The following CD36 variants were observed in gnomAD, a reference collection of about 807,000 sequenced individuals.
The protein encoded by CD36 is CD36 molecule (CD36 blood group).
CD36 carries 119 observed loss-of-function variants against 55.2 expected under a neutral mutation model. That is an observed-to-expected ratio of 2.15 (90% CI 1.86 to 2.51). The LOEUF (loss-of-function observed/expected upper bound fraction) is 2.51, where lower values mean the gene tolerates loss of function less well. Ranked by LOEUF, CD36 falls within the 30% of genes most tolerant of loss-of-function variation. The pLI, the probability that CD36 is intolerant of heterozygous loss-of-function variation, is 0.00. For missense variants in CD36, 819 were observed against 555.5 expected (o/e 1.47, Z -4.77); for synonymous variants, 186 against 193.6 (o/e 0.96, Z 0.33).
intron 4 of CD36, among the ~76,000 whole-genome samples, chr7:80,658,309 A>G (rs1796252544): frequency 6.6e-6 from 1 of 152,144 alleles, no homozygotes; most frequent in Admixed American, 6.6e-5. Context: ...TCATAGGTGT[A>G]TATATACTTA....
chr7:80,664,295 T>G (rs1796812429), intron 6 of CD36, 111 bp from the exon 7 acceptor site: 2 of 716,560 alleles, frequency 2.8e-6, no homozygotes, highest in Admixed American at 4.0e-5. Context: ...GCAGATGTAT[T>G]TCAAGTCATT....
intron 6 of CD36, among the ~76,000 whole-genome samples, chr7:80,663,608 A>G (rs1422363313): frequency 6.6e-6 from 1 of 151,858 alleles, no homozygotes; most frequent in African/African-American, 2.4e-5. Flanking sequence ...CCTAATGTTC[A>G]CATCTCAATA....
intron 8 of CD36, among the ~76,000 whole-genome samples, chr7:80,667,221 A>T (rs1355375759): frequency 1.3e-5 from 2 of 152,112 alleles, no homozygotes; most frequent in African/African-American, 4.8e-5. Flanking sequence ...TGTGCCCCGG[A>T]GGTTGAGACC....
At position 80,656,562 on chromosome 7, in the gene CD36, C is replaced by A. The variant is rs780265725; in HGVS notation, c.143C>A (p.Thr48Lys). The A allele has an allele frequency of 1.4e-5, 22 of 1,613,448 alleles. No individual in the cohort carries two copies. Among genetic ancestry groups the A allele is most frequent in the Non-Finnish European group, 1.4e-5 (17 of 1,179,722 alleles). ...IKKQVVLEEGTIAFKNWVKTG... is the reference protein window; with the variant it reads ...IKKQVVLEEGKIAFKNWVKTG... ...TAGCAAGTTGTCCTCGAAGAAGGTA[C>A]AATTGCTTTTAAAAATTGGGTTAAA... Residue 48 changes from threonine to lysine, a missense_variant, in exon 4 of 15, where the codon ACA (threonine) becomes AAA (lysine). Thr to Lys is a moderately conservative substitution (Grantham distance 78). Transcript: ENST00000447544.
At chr7:80,666,001 T>A (rs1222272117) in intron 7 of CD36, 1 of 160,228 alleles carries the variant, frequency 6.2e-6, no homozygotes, top group East Asian at 1.8e-4. Context: ...CATCTGCTTC[T>A]TTCCTCTTCC....
chr7:80,673,018 AATGGTTTT>A (rs1021670663), intron 12 of CD36, 175 bp downstream of exon 12: 27 of 622,156 alleles, frequency 4.3e-5, no homozygotes, highest in Admixed American at 1.6e-4. Context: ...CAGATTTTGG[AATGGTTTT>A]ATGGTTTTAT....
At chr7:80,621,337 G>A (rs1339262073) in intron 1 of CD36, among the ~76,000 whole-genome samples, 1 of 152,176 alleles carries the variant, frequency 6.6e-6, no homozygotes, top group East Asian at 1.9e-4. Context: ...ATCTGCAGAG[G>A]ATGCCTATAT....
rs138778417 is a variant in CD36 at position 80,627,443 on chromosome 7, C to T, written c.-183-18645C>T. Among the ~76,000 whole-genome samples, 521 of 151,778 alleles carry T rather than the reference C, an allele frequency of 3.4e-3. 11 individuals are homozygous for T. Among genetic ancestry groups the T allele is most frequent in the East Asian group, 4.7e-3 (24 of 5,144 alleles). On this transcript the variant is annotated intron_variant, in intron 1 of 13. Coordinates refer to the CD36 transcript ENST00000309881. ...CCTCCAATTAGTACACCATATTGAC[C>T]CCCTCCCTTAAAAGAGGGGCTTTTT... is the stretch of plus-strand genomic sequence containing the variant.
At chr7:80,618,810 T>C (rs1793306454) in intron 1 of CD36, among the ~76,000 whole-genome samples, 1 of 152,178 alleles carries the variant, frequency 6.6e-6, no homozygotes, top group Non-Finnish European at 1.5e-5. Flanking sequence ...GCTGTCTCCA[T>C]AAAATAAAAG....
At chr7:80,635,874 A>T (rs1794365674), upstream of CD36, among the ~76,000 whole-genome samples, 2 of 152,116 alleles carry the variant, frequency 1.3e-5, no homozygotes, top group African/African-American at 4.8e-5. Context: ...AAGCATTATG[A>T]TGGTTATAAT....
chr7:80,653,740 A>G (rs1243409657), intron 3 of CD36, among the ~76,000 whole-genome samples: 1 of 152,204 alleles, frequency 6.6e-6, no homozygotes, highest in Non-Finnish European at 1.5e-5. Flanking sequence ...AGGACATAAC[A>G]TCTTTTGTTT....
At chr7:80,668,342 G>T (rs1031623932) in intron 8 of CD36, among the ~76,000 whole-genome samples, 1 of 152,202 alleles carries the variant, frequency 6.6e-6, no homozygotes, top group Non-Finnish European at 1.5e-5. Flanking sequence ...ACTAGGAAAA[G>T]AGGGAATTTG....
Position 80,670,027 on chromosome 7 carries a change from G to A in CD36, c.818+5G>A, listed in dbSNP as rs748146857. On this transcript the variant is annotated splice_donor_5th_base_variant and intron_variant, in intron 9 of 14. Coordinates refer to ENST00000447544, the MANE Select transcript of CD36 (RefSeq NM_001001548.3). Reference sequence around the variant, plus strand: ...CTTTTCTTCTGATATTTGCAGGTAAGACAGATACTGAAGTATAAGTATGTC... The same window carrying A: ...CTTTTCTTCTGATATTTGCAGGTAAAACAGATACTGAAGTATAAGTATGTC... 158 of 1,573,018 alleles carry A rather than the reference G, an allele frequency of 1.0e-4. No individual in the cohort carries two copies. The highest frequency in any genetic ancestry group is 1.3e-4 in the Non-Finnish European group (145 of 1,143,798).
At chr7:80,665,163 G>C (rs1268578155) in intron 7 of CD36, among the ~76,000 whole-genome samples, 1 of 151,288 alleles carries the variant, frequency 6.6e-6, no homozygotes, top group Non-Finnish European at 1.5e-5. Context: ...CTTTAAAGTG[G>C]TAAAATAACA....
intron 1 of CD36, among the ~76,000 whole-genome samples, chr7:80,606,605 G>A (rs1792562474): frequency 6.6e-6 from 1 of 152,132 alleles, no homozygotes; most frequent in African/African-American, 2.4e-5. Flanking sequence ...TCTCTTAGAT[G>A]TCTTTGCCGC....
chr7:80,619,653 G>GAAAA (rs34516458), intron 1 of CD36, among the ~76,000 whole-genome samples: 2 of 125,996 alleles, frequency 1.6e-5, no homozygotes, highest in African/African-American at 3.0e-5. Context: ...TCTCAAAACA[G>GAAAA]AAAAAAAAAA....
chr7:80,648,635 G>C (rs912364878), intron 3 of CD36, among the ~76,000 whole-genome samples: 2 of 151,962 alleles, frequency 1.3e-5, no homozygotes, highest in African/African-American at 4.8e-5. Context: ...TCTATTGTAA[G>C]CTATAACCAG....
intron 12 of CD36, chr7:80,673,090 C>A (rs1362184763): frequency 3.9e-6 from 2 of 517,960 alleles, no homozygotes; most frequent in African/African-American, 2.0e-5. Context: ...ATTTCTATGA[C>A]AATAATTAAT....
At chr7:80,606,968 T>A (rs1463135338) in intron 1 of CD36, among the ~76,000 whole-genome samples, 1 of 152,140 alleles carries the variant, frequency 6.6e-6, no homozygotes, top group East Asian at 1.9e-4. Context: ...ATCCTTGTAC[T>A]GCAGCTCTGT....
Sources: gnomAD v4.1 joint callset for allele counts (sites outside exome capture counted in the v4.1 genomes callset) on GRCh38, gnomAD v4.1.1 for gene constraint, MANE v1.5 for transcripts, NCBI Gene and HGNC (gene_info 2026-07-23, HGNC 2026-07-21) for gene names.